Variants in PPP1R14C observed in about 807,000 individuals in gnomAD.
The protein encoded by PPP1R14C is protein phosphatase 1 regulatory inhibitor subunit 14C.
A neutral mutation model predicts 20.4 loss-of-function variants in PPP1R14C; 16 were observed. That is an observed-to-expected ratio of 0.78 (90% confidence interval 0.53 to 1.19). PPP1R14C has a LOEUF of 1.19. Among genes scored for constraint, PPP1R14C ranks in the 50% most tolerant of loss-of-function variants. PPP1R14C has a pLI of 0.00. For missense variants in PPP1R14C, 211 were observed against 220.1 expected (o/e 0.96, Z 0.26); for synonymous variants, 91 against 91.0 (o/e 1.00, Z 0.00).
intron 1 of PPP1R14C, among the ~76,000 whole-genome samples, chr6:150,176,730 A>G (rs1437863169): frequency 6.6e-6 from 1 of 152,236 alleles, no homozygotes; most frequent in Non-Finnish European, 1.5e-5. Context: ...TTAAGCTGTT[A>G]TAATGAGTGA....
chr6:150,188,234 GTCT>G (rs1337388499), intron 1 of PPP1R14C, among the ~76,000 whole-genome samples: 2 of 152,260 alleles, frequency 1.3e-5, no homozygotes, highest in African/African-American at 2.4e-5. Context: ...GGATTAATTA[GTCT>G]TCTTCTAGAT....
At chr6:150,194,737 C>G (rs370506916) in intron 1 of PPP1R14C, 15 of 985,236 alleles carry the variant, frequency 1.5e-5, no homozygotes, top group Middle Eastern at 5.2e-4. Context: ...AAAAGAGGCT[C>G]TTATAATTTG....
intron 1 of PPP1R14C, among the ~76,000 whole-genome samples, chr6:150,181,831 T>C (rs1777624970): frequency 6.6e-6 from 1 of 152,244 alleles, no homozygotes; most frequent in Admixed American, 6.5e-5. Context: ...GATTTATTTA[T>C]GATTTTGATC....
chr6:150,150,128 T>C (rs1283884169), intron 1 of PPP1R14C, among the ~76,000 whole-genome samples: 1 of 152,262 alleles, frequency 6.6e-6, no homozygotes, highest in Non-Finnish European at 1.5e-5. Context: ...GTATCTGAAC[T>C]AATTGGTGAT....
At chr6:150,195,188 C>T (rs1200227658) in intron 1 of PPP1R14C, 1 of 982,448 alleles carries the variant, frequency 1.0e-6, no homozygotes, top group Non-Finnish European at 1.2e-6. Context: ...AAGCATTTTA[C>T]ATGGCAGAGA....
At chr6:150,202,600 G>T (rs934582907) in intron 1 of PPP1R14C, among the ~76,000 whole-genome samples, 4 of 152,344 alleles carry the variant, frequency 2.6e-5, no homozygotes, top group African/African-American at 7.2e-5. Flanking sequence ...GGACAGCCCT[G>T]CAGGCTCTTC....
chr6:150,147,169 TTTTTG>T (rs1000713835), intron 1 of PPP1R14C, among the ~76,000 whole-genome samples: 2 of 151,830 alleles, frequency 1.3e-5, no homozygotes, highest in African/African-American at 4.8e-5. Flanking sequence ...TGGTGGGTTT[TTTTTG>T]TTTTGTTTTG....
intron 1 of PPP1R14C, among the ~76,000 whole-genome samples, chr6:150,151,745 C>G (rs1465754654): frequency 6.6e-6 from 1 of 152,146 alleles, no homozygotes; most frequent in African/African-American, 2.4e-5. Flanking sequence ...AGAAGTTGTC[C>G]CTTGTCCTTG....
At chr6:150,199,359 T>A (rs983646975) in intron 1 of PPP1R14C, among the ~76,000 whole-genome samples, 1 of 152,098 alleles carries the variant, frequency 6.6e-6, no homozygotes, top group Non-Finnish European at 1.5e-5. Context: ...CTTTAAGAGG[T>A]GATTAGGCTC....
chr6:150,198,690 C>T (rs949442621), intron 1 of PPP1R14C, among the ~76,000 whole-genome samples: 16 of 152,132 alleles, frequency 1.1e-4, no homozygotes, highest in Admixed American at 7.2e-4. Flanking sequence ...GAGCAGTGGC[C>T]GAGGAATGGT....
At chr6:150,160,930 A>C (rs1777359905) in intron 1 of PPP1R14C, among the ~76,000 whole-genome samples, 1 of 152,076 alleles carries the variant, frequency 6.6e-6, no homozygotes, top group Non-Finnish European at 1.5e-5. Context: ...CCCCAGATTC[A>C]GAGTCAGCCA....
chr6:150,157,017 T>A (rs907158847), intron 1 of PPP1R14C, among the ~76,000 whole-genome samples: 1 of 152,206 alleles, frequency 6.6e-6, no homozygotes, highest in Non-Finnish European at 1.5e-5. Flanking sequence ...TAGACTTAGA[T>A]TAAGAACCCT....
At position 150,212,782 on chromosome 6, in the gene PPP1R14C, C is replaced by T. The variant is rs1223293754; in HGVS notation, c.307-1962C>T. On this transcript the variant is annotated intron_variant, in intron 1 of 3. Coordinates refer to ENST00000361131, the MANE Select transcript of PPP1R14C (RefSeq NM_030949.3). ...TATGTTTAGATGCGCAAATATTTCCCACTGTGTTACCGTTGCCTACATTAT... is the reference window on the plus strand; with the variant it reads ...TATGTTTAGATGCGCAAATATTTCCTACTGTGTTACCGTTGCCTACATTAT... Among the ~76,000 whole-genome samples the T allele has an allele frequency of 2.0e-5, 3 of 152,184 alleles. No individual in the cohort carries two copies. The East Asian group carries it at 5.8e-4, about 29-fold the overall frequency.
At chr6:150,212,640 T>C (rs866583491) in intron 1 of PPP1R14C, among the ~76,000 whole-genome samples, 14 of 152,182 alleles carry the variant, frequency 9.2e-5, no homozygotes, top group African/African-American at 3.1e-4. Flanking sequence ...GGAGCCACAG[T>C]GGTATAGCTG....
intron 1 of PPP1R14C, among the ~76,000 whole-genome samples, chr6:150,172,286 G>A (rs937190013): frequency 3.9e-5 from 6 of 152,196 alleles, no homozygotes; most frequent in Non-Finnish European, 5.9e-5. Flanking sequence ...AGTCACTCTA[G>A]ATGGGAAATA....
intron 1 of PPP1R14C, among the ~76,000 whole-genome samples, chr6:150,178,312 C>A (rs1777585403): frequency 1.3e-5 from 2 of 152,204 alleles, no homozygotes; most frequent in East Asian, 1.9e-4. Flanking sequence ...CTGGAGGAAA[C>A]CCTGAATGCA....
chr6:150,230,098 T>C (rs1390528341), intron 3 of PPP1R14C, among the ~76,000 whole-genome samples: 1 of 152,140 alleles, frequency 6.6e-6, no homozygotes, highest in African/African-American at 2.4e-5. Flanking sequence ...GCCTAGCTGG[T>C]TCTTTGGGTG....
At chr6:150,147,246 C>T (rs1424353643) in intron 1 of PPP1R14C, among the ~76,000 whole-genome samples, 2 of 150,662 alleles carry the variant, frequency 1.3e-5, no homozygotes, top group Non-Finnish European at 2.9e-5. Context: ...GTGGCGCAAT[C>T]TCAGCTCACT....
intron 1 of PPP1R14C, among the ~76,000 whole-genome samples, chr6:150,177,412 T>C (rs1777574639): frequency 6.6e-6 from 1 of 152,084 alleles, no homozygotes; most frequent in Non-Finnish European, 1.5e-5. Flanking sequence ...GAAGTGAAAA[T>C]TCTTGCTGGT....
Sources: gnomAD v4.1 joint callset for allele counts (sites outside exome capture counted in the v4.1 genomes callset) on GRCh38, gnomAD v4.1.1 for gene constraint, MANE v1.5 for transcripts, NCBI Gene and HGNC (gene_info 2026-07-23, HGNC 2026-07-21) for gene names.